The following DYSF variants were observed in gnomAD, a reference collection of about 807,000 sequenced individuals.
The protein encoded by DYSF is dystrophy-associated fer-1-like 1.
In DYSF, 212 loss-of-function variants were observed where a neutral mutation model predicts 274.9. The observed-to-expected ratio is 0.77, with a 90% CI of 0.69 to 0.86. DYSF has a LOEUF of 0.86. Ranked by LOEUF, DYSF falls within the 40% of genes least tolerant of loss-of-function variation. The pLI, the probability that DYSF is intolerant of heterozygous loss-of-function variation, is 0.00. For synonymous variants in DYSF, 1,091 were observed against 1,078.7 expected, an observed-to-expected ratio of 1.01 and a Z score of -0.22; for missense variants, 2,666 against 2,783.2, an observed-to-expected ratio of 0.96 and a Z score of 0.95.
intron 14 of DYSF, among the ~76,000 whole-genome samples, chr2:71,529,235 A>G (rs1183685545): frequency 6.6e-6 from 1 of 152,084 alleles, no homozygotes; most frequent in African/African-American, 2.4e-5. Context: ...CACATCCCAC[A>G]TGCTATCTCT....
chr2:71,524,082 C>T (rs1461651184), intron 12 of DYSF, among the ~76,000 whole-genome samples: 1 of 152,182 alleles, frequency 6.6e-6, no homozygotes, highest in East Asian at 1.9e-4. Flanking sequence ...CCATCCCTCT[C>T]TAGCCTTTTC....
chr2:71,685,535 G>A (rs1213593816), intron 55 of DYSF, among the ~76,000 whole-genome samples: 1 of 152,240 alleles, frequency 6.6e-6, no homozygotes, highest in Non-Finnish European at 1.5e-5. Flanking sequence ...CCATGGGACA[G>A]AGGCTGCCTG....
At chr2:71,595,216 A>G (rs894336278) in intron 32 of DYSF, among the ~76,000 whole-genome samples, 4 of 152,206 alleles carry the variant, frequency 2.6e-5, no homozygotes, top group Non-Finnish European at 4.4e-5. Flanking sequence ...CTCTTTGCCC[A>G]TACTGGCTTT....
At chr2:71,619,675 C>G (rs1315797293) in intron 40 of DYSF, among the ~76,000 whole-genome samples, 3 of 152,306 alleles carry the variant, frequency 2.0e-5, no homozygotes, top group East Asian at 3.9e-4. Context: ...TGCTCTTTCT[C>G]GAACGGGCTG....
At chr2:71,516,462 C>G (rs559967685) in intron 9 of DYSF, among the ~76,000 whole-genome samples, 1 of 152,240 alleles carries the variant, frequency 6.6e-6, no homozygotes, top group Non-Finnish European at 1.5e-5. Flanking sequence ...CAGTCAGGCT[C>G]TACGGGTCAC....
In DYSF at chr2:71,566,152, A is replaced by AAAGG. The variant is rs1168144561; in HGVS notation, c.2566-1796_2566-1793dup. 2.0e-5 allele frequency among the ~76,000 whole-genome samples: 3 copies of AAAGG among 151,922 alleles called. No homozygotes were observed. In the East Asian group the frequency reaches 5.9e-4, roughly 30 times the overall value. The stretch of plus-strand genomic sequence containing the variant: ...GCCAGTTCCTGGCCTGGTAGGGCAG[A>AAAGG]AAGGAAAGGAAGTCAAGGAGTGGCC... On this transcript the variant is annotated intron_variant, in intron 24 of 55. Coordinates refer to ENST00000410020, the MANE Select transcript of DYSF (RefSeq NM_001130987.2).
intron 32 of DYSF, among the ~76,000 whole-genome samples, chr2:71,591,172 G>T (rs2093252635): frequency 6.6e-6 from 1 of 152,232 alleles, no homozygotes; most frequent in African/African-American, 2.4e-5. Context: ...TTTGCACTCA[G>T]TGCGCTCTCT....
intron 42 of DYSF, among the ~76,000 whole-genome samples, 167 bp downstream of exon 42, chr2:71,644,230 C>A (rs554868699): frequency 1.3e-5 from 2 of 152,186 alleles, no homozygotes; most frequent in Non-Finnish European, 2.9e-5. Flanking sequence ...AGCCACCCAC[C>A]GATTTACAGC....
At chr2:71,493,621 G>A (rs1301988683) in intron 3 of DYSF, among the ~76,000 whole-genome samples, 3 of 152,144 alleles carry the variant, frequency 2.0e-5, no homozygotes, top group East Asian at 3.9e-4. Context: ...GGAGGCCAAG[G>A]TGGGTGGATC....
upstream of DYSF, among the ~76,000 whole-genome samples, chr2:71,463,084 A>G (rs2081350837): frequency 6.6e-6 from 1 of 152,182 alleles, no homozygotes; most frequent in African/African-American, 2.4e-5. Flanking sequence ...TCCTGCTGCC[A>G]TCAACATGTC....
At chr2:71,610,378 G>A (rs963548592) in intron 36 of DYSF, among the ~76,000 whole-genome samples, 1 of 152,222 alleles carries the variant, frequency 6.6e-6, no homozygotes, top group Non-Finnish European at 1.5e-5. Flanking sequence ...TTCAGCTATA[G>A]GAGGTGAAAT....
At chr2:71,681,355 A>C (rs2095294440) in intron 54 of DYSF, among the ~76,000 whole-genome samples, 1 of 152,228 alleles carries the variant, frequency 6.6e-6, no homozygotes. Flanking sequence ...TGTGCCAAGC[A>C]TGCTATCCTA....
chr2:71,645,888 A>G (rs930470580), intron 42 of DYSF, among the ~76,000 whole-genome samples: 2 of 152,184 alleles, frequency 1.3e-5, no homozygotes, highest in Non-Finnish European at 2.9e-5. Flanking sequence ...AGGCTGTTAG[A>G]CACATAGGAA....
intron 42 of DYSF, among the ~76,000 whole-genome samples, chr2:71,645,394 C>T (rs945792064): frequency 1.5e-4 from 23 of 152,156 alleles, no homozygotes; most frequent in East Asian, 1.4e-3. Context: ...CACGTTGTTC[C>T]GCTGGTCAAT....
intron 32 of DYSF, among the ~76,000 whole-genome samples, chr2:71,596,002 C>CTTTT (rs34280550): frequency 1.5e-5 from 2 of 135,808 alleles, no homozygotes; most frequent in Non-Finnish European, 3.1e-5. Context: ...CCCCTTTTTC[C>CTTTT]TTTTTTTTTT....
Position 71,600,781 on chromosome 2 carries a change from C to T in DYSF, c.3836C>T (p.Thr1279Met), listed in dbSNP as rs202013788. ...CCACGGCTGGCCTGGTTCCCACTGACGAGGGGCAGCCAGCCGTCGGGGGAG... is the reference window on the plus strand; with the variant it reads ...CCACGGCTGGCCTGGTTCCCACTGATGAGGGGCAGCCAGCCGTCGGGGGAG... ...RMPRLAWFPL[T>M]RGSQPSGELL... Residue 1279 changes from threonine (T) to methionine (M), a missense_variant, in exon 34 of 56, where the codon ACG becomes ATG. Thr to Met is a moderately conservative substitution (Grantham distance 81, BLOSUM62 -1). This residue lies in a region of DYSF where 1,460 missense variants were observed against 1,502.1 expected (regional missense o/e 0.97). Coordinates refer to ENST00000410020, the MANE Select transcript of DYSF (RefSeq NM_001130987.2). The T allele has an allele frequency of 4.7e-5, 76 of 1,613,160 alleles. No individual in the cohort carries two copies. Among genetic ancestry groups the T allele is most frequent in the Middle Eastern group, 1.6e-4 (1 of 6,084 alleles).
chr2:71,599,939 T>C (rs978541558), intron 33 of DYSF, among the ~76,000 whole-genome samples: 1 of 149,578 alleles, frequency 6.7e-6, no homozygotes, highest in Non-Finnish European at 1.5e-5. Flanking sequence ...TGGGAAGGAA[T>C]GAGCAACTGG....
intron 41 of DYSF, among the ~76,000 whole-genome samples, chr2:71,632,660 A>G (rs1344662503): frequency 6.6e-6 from 1 of 152,144 alleles, no homozygotes; most frequent in African/African-American, 2.4e-5. Flanking sequence ...CTTTCTTCAT[A>G]TGTTTGAAGA....
chr2:71,635,846 C>T (rs763569285), intron 41 of DYSF, among the ~76,000 whole-genome samples: 6 of 151,718 alleles, frequency 4.0e-5, no homozygotes, highest in East Asian at 1.9e-4. Flanking sequence ...TTAATACCCA[C>T]GTAAAATCTA....
Sources: gnomAD v4.1 joint callset for allele counts (sites outside exome capture counted in the v4.1 genomes callset) on GRCh38, gnomAD v4.1.1 for gene constraint, gnomAD v4.1.1 regional missense constraint, MANE v1.5 for transcripts, NCBI Gene and HGNC (gene_info 2026-07-23, HGNC 2026-07-21) for gene names.